Variants in RSRC1 observed in about 807,000 individuals in gnomAD.
RSRC1 encodes the protein serine/Arginine-related protein 53.
In RSRC1, 39 loss-of-function variants were observed where a neutral mutation model predicts 49.1. That is an observed-to-expected ratio of 0.79 (90% CI 0.61 to 1.04). RSRC1 has a LOEUF of 1.04. Among genes scored for constraint, RSRC1 ranks in the 50% least tolerant of loss-of-function variants. The pLI is 0.00. For missense variants in RSRC1, 388 were observed against 402.4 expected, an observed-to-expected ratio of 0.96 and a Z score of 0.31; for synonymous variants, 143 against 130.8, an observed-to-expected ratio of 1.09 and a Z score of -0.63.
At chr3:158,406,950 A>G (rs972433988) in intron 6 of RSRC1, among the ~76,000 whole-genome samples, 1 of 152,110 alleles carries the variant, frequency 6.6e-6, no homozygotes, top group African/African-American at 2.4e-5. Flanking sequence ...GATAGGGTGC[A>G]GTGGCCCAGT....
intron 5 of RSRC1, 61 bp downstream of exon 5, chr3:158,298,136 C>G: frequency 8.2e-7 from 1 of 1,219,016 alleles, no homozygotes; most frequent in East Asian, 2.3e-5. Context: ...TCTAAATGAA[C>G]ACTTTTGAAT....
chr3:158,436,416 A>G (rs192593400), intron 6 of RSRC1, among the ~76,000 whole-genome samples: 221 of 152,022 alleles, frequency 1.5e-3, no homozygotes, highest in African/African-American at 5.2e-3. Context: ...TTAAAAATAT[A>G]TATATATATC....
At chr3:158,455,119 G>C (rs1440204320) in intron 6 of RSRC1, among the ~76,000 whole-genome samples, 1 of 152,082 alleles carries the variant, frequency 6.6e-6, no homozygotes, top group Non-Finnish European at 1.5e-5. Flanking sequence ...AACATTCCTA[G>C]AACTTTTTCC....
intron 7 of RSRC1, among the ~76,000 whole-genome samples, chr3:158,512,954 T>C (rs1740274039): frequency 7.2e-6 from 1 of 139,286 alleles, no homozygotes; most frequent in Non-Finnish European, 1.6e-5. Context: ...GTGATTTTTG[T>C]ACATTGATTT....
At chr3:158,269,329 C>G (rs1006808913) in intron 4 of RSRC1, among the ~76,000 whole-genome samples, 7 of 152,134 alleles carry the variant, frequency 4.6e-5, no homozygotes, top group Admixed American at 4.6e-4. Context: ...TTGTGGTAAG[C>G]CTAATGTTAG....
At chr3:158,493,216 T>A (rs1371227427) in intron 7 of RSRC1, among the ~76,000 whole-genome samples, 1 of 152,180 alleles carries the variant, frequency 6.6e-6, no homozygotes, top group Non-Finnish European at 1.5e-5. Context: ...AAGCAGTAGG[T>A]CATTGTTCAC....
At chr3:158,195,979 G>A (rs919935899) in intron 3 of RSRC1, among the ~76,000 whole-genome samples, 9 of 151,880 alleles carry the variant, frequency 5.9e-5, no homozygotes, top group South Asian at 4.2e-4. Context: ...TTGGCGATGC[G>A]GGCTCTTTTT....
At chr3:158,295,687 T>C (rs530041560) in intron 4 of RSRC1, among the ~76,000 whole-genome samples, 1 of 152,274 alleles carries the variant, frequency 6.6e-6, no homozygotes, top group South Asian at 2.1e-4. Flanking sequence ...GTGCCAAGAA[T>C]GATGACTAGT....
intron 4 of RSRC1, among the ~76,000 whole-genome samples, chr3:158,246,398 A>AAT (rs35210506): frequency 8.2e-5 from 2 of 24,244 alleles, no homozygotes; most frequent in East Asian, 2.6e-3. Flanking sequence ...AAAGTATAAT[A>AAT]AAAAAAAAAA....
intron 3 of RSRC1, among the ~76,000 whole-genome samples, chr3:158,154,819 T>C (rs940509014): frequency 1.3e-5 from 2 of 152,188 alleles, no homozygotes; most frequent in African/African-American, 4.8e-5. Flanking sequence ...CTTTATCAAC[T>C]AAGTTTATGT....
chr3:158,157,627 A>G (rs1717955482), intron 3 of RSRC1, among the ~76,000 whole-genome samples: 1 of 152,138 alleles, frequency 6.6e-6, no homozygotes, highest in Non-Finnish European at 1.5e-5. Context: ...TGTCTTTCCC[A>G]CTACTTGAGG....
chr3:158,276,907 A>G (rs1725850955), intron 4 of RSRC1, among the ~76,000 whole-genome samples: 1 of 152,156 alleles, frequency 6.6e-6, no homozygotes. Flanking sequence ...CTATCCCCCC[A>G]TTTCCTAAAG....
At chr3:158,272,798 G>A (rs1212496000) in intron 4 of RSRC1, among the ~76,000 whole-genome samples, 1 of 151,932 alleles carries the variant, frequency 6.6e-6, no homozygotes, top group Non-Finnish European at 1.5e-5. Flanking sequence ...TTGAAGAACA[G>A]TACAAGAAAC....
intron 3 of RSRC1, among the ~76,000 whole-genome samples, chr3:158,149,248 A>C (rs982655259): frequency 2.6e-5 from 4 of 152,040 alleles, no homozygotes; most frequent in Admixed American, 2.0e-4. Flanking sequence ...TGATATTTCT[A>C]TTTTAGCTTT....
chr3:158,338,612 G>A (rs1191538331), intron 5 of RSRC1, among the ~76,000 whole-genome samples: 2 of 152,172 alleles, frequency 1.3e-5, no homozygotes, highest in African/African-American at 4.8e-5. Flanking sequence ...TTTTTAGATG[G>A]TGCTCACAAC....
chr3:158,458,080 A>G (rs961723095), intron 6 of RSRC1, among the ~76,000 whole-genome samples: 1 of 152,136 alleles, frequency 6.6e-6, no homozygotes, highest in Non-Finnish European at 1.5e-5. Flanking sequence ...GTTTGGAGTC[A>G]CATGGCAGTG....
rs538468140 is a variant in RSRC1 at position 158,448,796 on chromosome 3, G to A, written c.584-12139G>A. On this transcript the variant is annotated intron_variant, in intron 6 of 9. Transcript: ENST00000611884. ...ACATGAAGTAAATCTTTGCTAGTTTGGGTAATGTTTAAAGCCTATGTGGGC... is the reference window on the plus strand; with the variant it reads ...ACATGAAGTAAATCTTTGCTAGTTTAGGTAATGTTTAAAGCCTATGTGGGC... Among the ~76,000 whole-genome samples the A allele has an allele frequency of 7.2e-5, 11 of 151,938 alleles. No homozygotes were observed. In the South Asian group the frequency reaches 2.3e-3, roughly 31 times the overall value.
At chr3:158,449,949 A>T (rs1736928927) in intron 6 of RSRC1, among the ~76,000 whole-genome samples, 1 of 151,914 alleles carries the variant, frequency 6.6e-6, no homozygotes, top group African/African-American at 2.4e-5. Flanking sequence ...TTGCAACTAT[A>T]ATTGACGTGT....
intron 6 of RSRC1, among the ~76,000 whole-genome samples, chr3:158,413,318 C>G (rs1392817134): frequency 6.6e-6 from 1 of 152,164 alleles, no homozygotes; most frequent in African/African-American, 2.4e-5. Flanking sequence ...CCCTTCCTTA[C>G]ACCTTATACA....
Sources: gnomAD v4.1 joint callset for allele counts (sites outside exome capture counted in the v4.1 genomes callset) on GRCh38, gnomAD v4.1.1 for gene constraint, MANE v1.5 for transcripts, NCBI Gene and HGNC (gene_info 2026-07-23, HGNC 2026-07-21) for gene names.